RBFOX1: variants seen among roughly 807,000 people sequenced by gnomAD.
The protein encoded by RBFOX1 is RNA binding fox-1 homolog 1.
RBFOX1 carries 8 observed loss-of-function variants against 57.7 expected under a neutral mutation model. That is an observed-to-expected ratio of 0.14 (90% confidence interval 0.08 to 0.25). RBFOX1 has a LOEUF of 0.25. Among genes scored for constraint, RBFOX1 ranks in the 10% least tolerant of loss-of-function variants. The probability of loss-of-function intolerance (pLI) is 1.00; values close to 1 mark genes in which losing one functional copy is unlikely to be tolerated. For synonymous variants in RBFOX1, 326 were observed against 222.4 expected (o/e 1.47, Z -4.15); for missense variants, 611 against 548.5 (o/e 1.11, Z -1.14).
chr16:5,629,773 T>C (rs903438407), intron 3 of RBFOX1, among the ~76,000 whole-genome samples: 2 of 152,234 alleles, frequency 1.3e-5, no homozygotes, highest in East Asian at 3.8e-4. Context: ...GAGTGCTTTC[T>C]GTTCAGTTGG....
At chr16:7,022,015 C>CG (rs1396334649) in intron 3 of RBFOX1, among the ~76,000 whole-genome samples, 1 of 7,210 alleles carries the variant, frequency 1.4e-4, no homozygotes, top group Non-Finnish European at 2.2e-4. Flanking sequence ...CCTCCCCTTC[C>CG]CTTCCCCCTC....
chr16:6,816,350 G>C lies in RBFOX1; in HGVS notation c.-16+161700G>C, dbSNP rs374331597. 4.6e-5 allele frequency among the ~76,000 whole-genome samples: 7 copies of C among 151,904 alleles called. No homozygotes were observed. In the South Asian group the frequency reaches 1.3e-3, roughly 27 times the overall value. On this transcript the variant is annotated intron_variant, in intron 3 of 15. Transcript: ENST00000550418. ...AACAATCATTGTGTCATGTCTGCCT[G>C]CCTGTTGAAAAAGCCTTTTAGATGA...
chr16:6,180,316 A>C (rs550741251), intron 1 of RBFOX1, among the ~76,000 whole-genome samples: 2 of 152,056 alleles, frequency 1.3e-5, no homozygotes, highest in African/African-American at 4.8e-5. Flanking sequence ...GTATAGGCTT[A>C]TTCAGATTTT....
chr16:6,737,001 G>A (rs923876180), intron 3 of RBFOX1, among the ~76,000 whole-genome samples: 3 of 152,132 alleles, frequency 2.0e-5, no homozygotes, highest in African/African-American at 7.2e-5. Flanking sequence ...TCCCTGACAC[G>A]GGAACCGTCT....
At chr16:7,212,208 G>T (rs933990179) in intron 4 of RBFOX1, among the ~76,000 whole-genome samples, 1 of 152,182 alleles carries the variant, frequency 6.6e-6, no homozygotes, top group Non-Finnish European at 1.5e-5. Flanking sequence ...GTCTTTTAGG[G>T]TCAAGGGAGA....
intron 4 of RBFOX1, among the ~76,000 whole-genome samples, chr16:7,413,478 G>A (rs747273324): frequency 1.3e-5 from 2 of 152,080 alleles, no homozygotes; most frequent in Non-Finnish European, 2.9e-5. Context: ...GATCCAAGGT[G>A]AGGTCAACAC....
At chr16:6,184,765 C>T (rs1360247854) in intron 1 of RBFOX1, among the ~76,000 whole-genome samples, 9 of 150,190 alleles carry the variant, frequency 6.0e-5, no homozygotes, top group South Asian at 4.2e-4. Flanking sequence ...GACGGGGTTT[C>T]GCCATGTTGG....
intron 2 of RBFOX1, among the ~76,000 whole-genome samples, chr16:6,646,745 A>G (rs1299300479): frequency 1.3e-5 from 2 of 151,698 alleles, no homozygotes; most frequent in Non-Finnish European, 2.9e-5. Flanking sequence ...GATTTTCATC[A>G]CTCCCATATT....
intron 3 of RBFOX1, among the ~76,000 whole-genome samples, chr16:5,670,943 G>C (rs1415490431): frequency 6.6e-6 from 1 of 152,204 alleles, no homozygotes; most frequent in Non-Finnish European, 1.5e-5. Context: ...GGCTCAGAGA[G>C]CACAAGGAAA....
At chr16:6,741,117 G>GTAATGCAAAA (rs2071949826) in intron 3 of RBFOX1, among the ~76,000 whole-genome samples, 2 of 151,990 alleles carry the variant, frequency 1.3e-5, no homozygotes, top group African/African-American at 4.8e-5. Context: ...AATTTAATGG[G>GTAATGCAAAA]GGAAGTATAA....
At chr16:7,564,507 C>T (rs2091212055) in intron 5 of RBFOX1, among the ~76,000 whole-genome samples, 2 of 141,848 alleles carry the variant, frequency 1.4e-5, no homozygotes, top group Non-Finnish European at 3.0e-5. Context: ...CACCTCTGCA[C>T]TCCAGCCTGG....
chr16:6,766,788 C>G (rs181466321), intron 3 of RBFOX1, among the ~76,000 whole-genome samples: 1 of 152,134 alleles, frequency 6.6e-6, no homozygotes, highest in African/African-American at 2.4e-5. Flanking sequence ...TTCATATGGG[C>G]TTCCGTTAGT....
intron 13 of RBFOX1, among the ~76,000 whole-genome samples, chr16:7,673,200 T>G (rs1429633653): frequency 6.6e-6 from 1 of 152,158 alleles, no homozygotes; most frequent in Non-Finnish European, 1.5e-5. Context: ...GGTAGAACAT[T>G]TATTTTCAAA....
chr16:5,447,520 C>T (rs1567523856), intron 1 of RBFOX1, among the ~76,000 whole-genome samples: 1 of 152,236 alleles, frequency 6.6e-6, no homozygotes, highest in South Asian at 2.1e-4. Flanking sequence ...GCCTCAGCCT[C>T]CCGAATAGCT....
At chr16:5,377,323 T>G (rs1014197867) in intron 1 of RBFOX1, among the ~76,000 whole-genome samples, 1 of 151,374 alleles carries the variant, frequency 6.6e-6, no homozygotes, top group Admixed American at 6.6e-5. Flanking sequence ...GGAACTACTT[T>G]TCATGGAGAA....
At position 5,808,659 on chromosome 16, in the gene RBFOX1, G is replaced by A. The variant is rs188288783; in HGVS notation, c.319-58644G>A. ...CGTCCCTTGTAAGTTGGATTCCTAG[G>A]TATTTTATTCTCTTTGAAGCAATTG... On this transcript the variant is annotated intron_variant, in intron 3 of 19. Coordinates refer to the RBFOX1 transcript ENST00000641259. Among the ~76,000 whole-genome samples the A allele has an allele frequency of 8.0e-3, 1,214 of 152,194 alleles. 13 individuals are homozygous for A. Among genetic ancestry groups the A allele is most frequent in the African/African-American group, 0.022 (910 of 41,508 alleles).
At chr16:5,770,063 T>C (rs1344692292) in intron 3 of RBFOX1, among the ~76,000 whole-genome samples, 1 of 152,210 alleles carries the variant, frequency 6.6e-6, no homozygotes, top group Admixed American at 6.5e-5. Context: ...TAAGAATGAA[T>C]GTGGCTCTAG....
At chr16:6,744,416 G>C (rs1041253724) in intron 3 of RBFOX1, among the ~76,000 whole-genome samples, 1 of 151,898 alleles carries the variant, frequency 6.6e-6, no homozygotes, top group Admixed American at 6.6e-5. Context: ...AAGTACATAA[G>C]GAAATGTTTT....
At chr16:5,827,048 T>C (rs2056083043) in intron 3 of RBFOX1, among the ~76,000 whole-genome samples, 2 of 152,172 alleles carry the variant, frequency 1.3e-5, no homozygotes, top group African/African-American at 4.8e-5. Flanking sequence ...ACTCTACGAA[T>C]ATTCTTTCTC....
Sources: allele counts gnomAD v4.1 joint callset (sites outside exome capture counted in the v4.1 genomes callset), GRCh38; gene constraint gnomAD v4.1.1; transcripts MANE v1.5; gene names NCBI Gene and HGNC (gene_info 2026-07-23, HGNC 2026-07-21).